UBASH3A: variants seen among roughly 807,000 people sequenced by gnomAD.
UBASH3A encodes the protein ubiquitin-associated and SH3 domain-containing protein A.
A neutral mutation model predicts 73.5 loss-of-function variants in UBASH3A; 63 were observed. That is an observed-to-expected ratio of 0.86 (90% CI 0.70 to 1.06). The LOEUF (loss-of-function observed/expected upper bound fraction) is 1.06, where lower values mean the gene tolerates loss of function less well. Among genes scored for constraint, UBASH3A ranks in the 50% least tolerant of loss-of-function variants. The pLI is 0.00. For missense variants in UBASH3A, 860 were observed against 859.0 expected (o/e 1.00, Z -0.02); for synonymous variants, 363 against 351.1 (o/e 1.03, Z -0.38).
chr21:42,418,773 C>T (rs1403654258), intron 7 of UBASH3A, among the ~76,000 whole-genome samples, 164 bp downstream of exon 7: 2 of 152,142 alleles, frequency 1.3e-5, no homozygotes, highest in African/African-American at 2.4e-5. Flanking sequence ...CATCTTGGTT[C>T]GTCCCTGGTT....
At chr21:42,426,491 G>A (rs180830204) in intron 7 of UBASH3A, among the ~76,000 whole-genome samples, 41 of 152,338 alleles carry the variant, frequency 2.7e-4, no homozygotes, top group Non-Finnish European at 5.4e-4. Context: ...CATCATAGAC[G>A]GTGATCATTG....
intron 14 of UBASH3A, 137 bp downstream of exon 14, chr21:42,444,780 T>C (rs1267636540): frequency 1.4e-6 from 1 of 705,964 alleles, no homozygotes; most frequent in East Asian, 2.7e-5. Flanking sequence ...CCCCGGAGAC[T>C]GTGCCCACCG....
chr21:42,441,285 T>A (rs1297674200), intron 11 of UBASH3A, among the ~76,000 whole-genome samples: 1 of 152,090 alleles, frequency 6.6e-6, no homozygotes, highest in Non-Finnish European at 1.5e-5. Context: ...CACAAAACAC[T>A]GGCCTGCAAG....
At position 42,410,501 on chromosome 21, in the gene UBASH3A, G is replaced by A. The variant is rs1601558224; in HGVS notation, c.354+893G>A. The A allele has an allele frequency of 3.4e-5, 14 of 408,508 alleles. No individual in the cohort carries two copies. The East Asian group carries it at 5.1e-4, about 15-fold the overall frequency. 25.3% of individuals were successfully genotyped at this position (408,508 alleles called of 1,614,324 possible). A position where few individuals can be genotyped will look rare whatever the true frequency, so the allele number is the denominator to read the frequency against. On this transcript the variant is annotated intron_variant, in intron 3 of 14. Coordinates refer to ENST00000319294, the MANE Select transcript of UBASH3A (RefSeq NM_018961.4). The stretch of plus-strand genomic sequence containing the variant: ...AAGATTTCTGGAAGATGTCCCAGGA[G>A]AAGCAGTACCTTCCAAAGCCTCCAA...
rs199635620 is a variant in UBASH3A at position 42,409,543 on chromosome 21, C to G, written c.289C>G (p.Arg97Gly). 3.7e-6 allele frequency: 6 copies of G among 1,614,100 alleles called. No homozygotes were observed. In the South Asian group the frequency reaches 6.6e-5, roughly 18 times the overall value. The change falls in exon 3 of 15, where the codon CGC becomes GGC. Residue 97 changes from arginine to glycine, a missense_variant. Coordinates refer to ENST00000319294, the MANE Select transcript of UBASH3A (RefSeq NM_018961.4). ...TCAAGAGTTCTGGAGAGAGAGCAAG[C>G]GCCAGTGTGCAAAGAACAGAGCTCA... The part of the protein sequence containing the change: ...KLQEFWRESK[R>G]QCAKNRAHEV...
At chr21:42,434,075 G>A (rs1368041219) in intron 9 of UBASH3A, among the ~76,000 whole-genome samples, 5 of 151,686 alleles carry the variant, frequency 3.3e-5, no homozygotes, top group South Asian at 2.1e-4. Context: ...TCATCCTGAC[G>A]TGGTGACATG....
intron 9 of UBASH3A, among the ~76,000 whole-genome samples, chr21:42,434,375 G>C (rs1478974082): frequency 6.6e-6 from 1 of 152,046 alleles, no homozygotes; most frequent in Non-Finnish European, 1.5e-5. Flanking sequence ...TCAAGCAATT[G>C]ACTAAAGAAT....
chr21:42,429,803 T>C (rs2053497851), intron 8 of UBASH3A, among the ~76,000 whole-genome samples: 1 of 152,102 alleles, frequency 6.6e-6, no homozygotes, highest in Non-Finnish European at 1.5e-5. Context: ...ACTGAAGTTT[T>C]CCAATAAGGG....
At position 42,447,238 on chromosome 21, in the gene UBASH3A, A is replaced by C; in HGVS notation, c.*44A>C. The C allele has an allele frequency of 4.4e-6, 7 of 1,596,188 alleles. No individual in the cohort carries two copies. Among genetic ancestry groups the C allele is most frequent in the Non-Finnish European group, 6.0e-6 (7 of 1,171,512 alleles). ...CATAACCTCAGAGTGGAGAGGCAGAAACCATGTGCAGAGGCTGGGAGATGC... is the reference window on the plus strand; with the variant it reads ...CATAACCTCAGAGTGGAGAGGCAGACACCATGTGCAGAGGCTGGGAGATGC... On this transcript the variant is annotated 3_prime_UTR_variant, in exon 15 of 15. Transcript: ENST00000319294.
intron 2 of UBASH3A, among the ~76,000 whole-genome samples, chr21:42,408,160 ACTT>A (rs1224771156): frequency 1.3e-5 from 2 of 152,228 alleles, no homozygotes; most frequent in Non-Finnish European, 1.5e-5. Context: ...AGGAGTGGCA[ACTT>A]CTTCTGTGAT....
intron 2 of UBASH3A, among the ~76,000 whole-genome samples, chr21:42,408,978 C>T (rs1049004334): frequency 2.0e-5 from 3 of 150,474 alleles, no homozygotes; most frequent in Admixed American, 6.6e-5. Flanking sequence ...AGAAACGCAG[C>T]AGCTACCTAA....
At chr21:42,404,214 T>G in intron 1 of UBASH3A, 156 bp downstream of exon 1, 1 of 394,374 alleles carries the variant, frequency 2.5e-6, no homozygotes, top group East Asian at 3.7e-5. Context: ...CAGGGCCCTC[T>G]TCTGCTTCTC....
At chr21:42,437,832 C>G (rs1053620298) in intron 11 of UBASH3A, among the ~76,000 whole-genome samples, 1 of 152,190 alleles carries the variant, frequency 6.6e-6, no homozygotes, top group East Asian at 1.9e-4. Flanking sequence ...GTCCTCATAC[C>G]GTTTCTCTTT....
chr21:42,426,646 G>A, intron 7 of UBASH3A, 51 bp from the exon 8 acceptor site: 2 of 1,600,084 alleles, frequency 1.2e-6, no homozygotes, highest in Non-Finnish European at 1.7e-6. Flanking sequence ...GGTCTCCATG[G>A]CAACAACATG....
intron 11 of UBASH3A, among the ~76,000 whole-genome samples, chr21:42,438,491 T>A (rs2053667578): frequency 6.6e-6 from 1 of 151,392 alleles, no homozygotes; most frequent in Non-Finnish European, 1.5e-5. Context: ...TGAGCATGAG[T>A]TTAAATGGAG....
intron 9 of UBASH3A, 138 bp downstream of exon 9, chr21:42,432,340 T>C (rs1013007151): frequency 5.4e-6 from 3 of 554,084 alleles, no homozygotes; most frequent in Non-Finnish European, 9.5e-6. Flanking sequence ...ACTGTATGTG[T>C]GGAAAACGTG....
intron 1 of UBASH3A, among the ~76,000 whole-genome samples, chr21:42,405,082 C>G (rs893272564): frequency 3.3e-5 from 5 of 152,182 alleles, no homozygotes; most frequent in Non-Finnish European, 7.3e-5. Context: ...GCTAAACTTT[C>G]CTTCCACACT....
chr21:42,414,135 T>C (rs1400893597), intron 5 of UBASH3A, among the ~76,000 whole-genome samples: 1 of 152,136 alleles, frequency 6.6e-6, no homozygotes, highest in Admixed American at 6.5e-5. Flanking sequence ...ATTGCTGAGA[T>C]TTGCCGACTC....
intron 6 of UBASH3A, chr21:42,417,610 T>C (rs2053240893): frequency 1.3e-5 from 2 of 152,144 alleles, no homozygotes; most frequent in South Asian, 4.1e-4. Flanking sequence ...CTTTAAAGAA[T>C]GATTTGAGTG....
Sources: allele counts gnomAD v4.1 joint callset (sites outside exome capture counted in the v4.1 genomes callset), GRCh38; gene constraint gnomAD v4.1.1; transcripts MANE v1.5; gene names NCBI Gene and HGNC (gene_info 2026-07-23, HGNC 2026-07-21).